Variants in TLCD3B observed in about 807,000 individuals in gnomAD.
TLCD3B encodes the protein ceramide synthase.
Under a neutral mutation model 23.0 loss-of-function variants are expected in TLCD3B, and 9 were observed. The observed-to-expected ratio is 0.39, with a 90% CI of 0.24 to 0.68. The LOEUF (loss-of-function observed/expected upper bound fraction) is 0.68. Ranked by LOEUF, TLCD3B falls within the 30% of genes least tolerant of loss-of-function variation. TLCD3B has a pLI of 0.44. For missense variants in TLCD3B, 307 were observed against 371.8 expected, an observed-to-expected ratio of 0.83 and a Z score of 1.43; for synonymous variants, 161 against 161.0, an observed-to-expected ratio of 1.00 and a Z score of 0.00.
intron 2 of TLCD3B, chr16:30,027,551 C>T (rs1722245802): frequency 2.2e-6 from 1 of 456,060 alleles, no homozygotes; most frequent in South Asian, 1.5e-5. Context: ...CAGCGCTGTT[C>T]GCCCTGCCCC....
Position 30,024,867 on chromosome 16 carries a change from T to G in TLCD3B, c.*316A>C. 6.8e-6 allele frequency: 2 copies of G among 295,490 alleles called. No homozygotes were observed. The highest frequency in any genetic ancestry group is 6.4e-5 in the East Asian group (1 of 15,644). The allele number at this position is 295,490 out of a possible 1,614,324, so 18.3% of individuals were successfully genotyped here. A position where few individuals can be genotyped will look rare whatever the true frequency, so the allele number is the denominator to read the frequency against. Reference sequence around the variant, plus strand: ...GCCTTGGCAGAGGCGTCTCCCCACATTCTGACTCCTGGTCCCCTTGAAACC... The same window carrying G: ...GCCTTGGCAGAGGCGTCTCCCCACAGTCTGACTCCTGGTCCCCTTGAAACC... On this transcript the variant is annotated 3_prime_UTR_variant, in exon 5 of 5. Transcript: ENST00000380495.
At chr16:30,046,837 G>A (rs1347130121) in intron 1 of TLCD3B, among the ~76,000 whole-genome samples, 3 of 152,238 alleles carry the variant, frequency 2.0e-5, no homozygotes, top group Non-Finnish European at 4.4e-5. Context: ...ACTCCTCTGA[G>A]CCTTGGGCTC....
intron 2 of TLCD3B, among the ~76,000 whole-genome samples, chr16:30,043,542 CA>C (rs1469031802): frequency 1.3e-5 from 2 of 152,056 alleles, no homozygotes; most frequent in African/African-American, 4.8e-5. Flanking sequence ...TACTCTCAGT[CA>C]CTGTTCGGAT....
intron 3 of TLCD3B, among the ~76,000 whole-genome samples, chr16:30,039,239 TTAGCCTCCCGAG>T (rs1464910652): frequency 6.6e-6 from 1 of 151,334 alleles, no homozygotes; most frequent in Non-Finnish European, 1.5e-5. Flanking sequence ...TTCTCCTGCC[TTAGCCTCCCGAG>T]TAGCTGGGAT....
chr16:30,025,746 G>A lies in TLCD3B; in HGVS notation c.520C>T (p.Leu174Phe). The A allele has an allele frequency of 1.2e-6, 2 of 1,614,162 alleles. No homozygotes were observed. The highest frequency in any genetic ancestry group is 1.7e-6 in the Non-Finnish European group (2 of 1,180,040). ...CTCACCTGGATGAGGATCTTGCCAAGGCAGACGAAGGGCGTGCTGACCTCT... is the reference window on the plus strand; with the variant it reads ...CTCACCTGGATGAGGATCTTGCCAAAGCAGACGAAGGGCGTGCTGACCTCT... ...MAEVSTPFVC[L>F]GKILIQYKQQ... The change falls in exon 4 of 5, where the codon CTT becomes TTT. Residue 174 changes from leucine to phenylalanine, a missense_variant. Transcript: ENST00000380495. This position sits in a 1 kb window ranked among gnomAD's most constrained non-coding sequence, Gnocchi z 4.1.
chr16:30,042,884 G>A (rs1485564954), intron 2 of TLCD3B, among the ~76,000 whole-genome samples: 1 of 152,022 alleles, frequency 6.6e-6, no homozygotes, highest in Non-Finnish European at 1.5e-5. Context: ...GGATCATGAG[G>A]TCAGGAGTTT....
intron 3 of TLCD3B, chr16:30,036,303 G>C (rs1324379781): frequency 7.8e-7 from 1 of 1,289,032 alleles, no homozygotes; most frequent in Non-Finnish European, 1.0e-6. Context: ...CAAAGCGATT[G>C]TTGTTCCATT....
upstream of TLCD3B, among the ~76,000 whole-genome samples, chr16:30,031,694 C>T (rs925117743): frequency 3.3e-5 from 5 of 152,240 alleles, no homozygotes; most frequent in African/African-American, 1.2e-4. Flanking sequence ...GGCCCCCTCA[C>T]CCGATGGCGG....
Position 30,024,480 on chromosome 16 carries a change from T to TC in TLCD3B, c.*702dup. ...GCGGTCTGTAAAGCACCTCCCAGGG[T>TC]CCCCCGACCCCAGATTGGAGGAAGC... On this transcript the variant is annotated 3_prime_UTR_variant, in exon 5 of 5. Coordinates refer to ENST00000380495, the MANE Select transcript of TLCD3B (RefSeq NM_031478.6). The TC allele has an allele frequency of 1.8e-6, 1 of 563,352 alleles. No individual in the cohort carries two copies. 34.9% of individuals were successfully genotyped at this position (563,352 alleles called of 1,614,324 possible).
intron 2 of TLCD3B, among the ~76,000 whole-genome samples, chr16:30,043,785 G>C (rs1409296352): frequency 6.6e-6 from 1 of 151,984 alleles, no homozygotes; most frequent in Non-Finnish European, 1.5e-5. Context: ...CCAGGCTCAA[G>C]TGATCCTCCT....
At chr16:30,036,770 A>G (rs2071482133) in intron 3 of TLCD3B, among the ~76,000 whole-genome samples, 1 of 152,180 alleles carries the variant, frequency 6.6e-6, no homozygotes, top group Admixed American at 6.6e-5. Context: ...GCTCAAAGAA[A>G]GAAAAGGAGA....
At chr16:30,048,162 C>T (rs1019491470) in intron 1 of TLCD3B, among the ~76,000 whole-genome samples, 43 of 149,742 alleles carry the variant, frequency 2.9e-4, no homozygotes, top group African/African-American at 1.1e-3. Context: ...AAAAAAAAAC[C>T]ACCACCAACA....
At position 30,025,509 on chromosome 16, in the gene TLCD3B, TCGGCCCCCCTTGG is replaced by T. The variant is rs774273298; in HGVS notation, c.541-55_541-43del. On this transcript the variant is annotated intron_variant, in intron 4 of 4. Coordinates refer to ENST00000380495, the MANE Select transcript of TLCD3B (RefSeq NM_031478.6). The surrounding 1 kb of genome is among the most constrained non-coding windows in gnomAD (Gnocchi z 4.1). ...ACAGTGGCCACGGCAGCAGAAGGGCTCGGCCCCCCTTGGCCCTCTCCCTGCCTCCCTGCGACCC... is the reference window on the plus strand; with the variant it reads ...ACAGTGGCCACGGCAGCAGAAGGGCTCCCTCTCCCTGCCTCCCTGCGACCC... 3 of 1,605,402 alleles carry T rather than the reference TCGGCCCCCCTTGG, an allele frequency of 1.9e-6. No homozygotes were observed. The highest frequency in any genetic ancestry group is 1.7e-6 in the Non-Finnish European group (2 of 1,176,306).
In TLCD3B at chr16:30,030,823, CAG is replaced by C. The variant is rs2071335963; in HGVS notation, c.-298_-297del. 9.1e-7 allele frequency: 1 copy of C among 1,099,050 alleles called. No individual in the cohort carries two copies. Among genetic ancestry groups the C allele is most frequent in the Admixed American group, 5.9e-5 (1 of 17,090 alleles). The allele number at this position is 1,099,050 out of a possible 1,614,324, so 68.1% of individuals were successfully genotyped here. On this transcript the variant is annotated 5_prime_UTR_variant, in exon 1 of 5. Transcript: ENST00000380495. ...AAAGAGGGGATGGCTTGGTGAGGGA[CAG>C]AGAGGAAGAGGGGACAGGAGGAGGA...
At chr16:30,030,116 T>A in intron 1 of TLCD3B, 1 of 1,434,274 alleles carries the variant, frequency 7.0e-7, no homozygotes. Flanking sequence ...CTTATAGGAA[T>A]GTCTTCGCCG....
Position 30,030,591 on chromosome 16 carries a change from GGA to G in TLCD3B, c.-66_-65del, listed in dbSNP as rs1383988597. The G allele has an allele frequency of 2.0e-6, 3 of 1,483,842 alleles. No homozygotes were observed. Among genetic ancestry groups the G allele is most frequent in the Non-Finnish European group, 1.8e-6 (2 of 1,120,792 alleles). The allele number at this position is 1,483,842 out of a possible 1,614,324, so 91.9% of individuals were successfully genotyped here. ...GAAGGGGCAGGGAGGCCGAGTGGAAGGAGTTAGGGGTGGAGAAGGGACGCCAA... is the reference window on the plus strand; with the variant it reads ...GAAGGGGCAGGGAGGCCGAGTGGAAGGTTAGGGGTGGAGAAGGGACGCCAA... On this transcript the variant is annotated 5_prime_UTR_variant, in exon 1 of 5. Transcript: ENST00000380495.
intron 1 of TLCD3B, chr16:30,030,152 G>A: frequency 6.7e-7 from 1 of 1,489,638 alleles, no homozygotes; most frequent in Non-Finnish European, 9.1e-7. Context: ...TTGGAGGGTG[G>A]GAGGGTGTAC....
upstream of TLCD3B, chr16:30,036,015 G>A (rs1389217826): frequency 1.3e-5 from 10 of 764,542 alleles, no homozygotes; most frequent in South Asian, 1.8e-5. Flanking sequence ...TGCCCGCTTC[G>A]GCCTCCCAAA....
intron 3 of TLCD3B, among the ~76,000 whole-genome samples, chr16:30,039,788 CT>C (rs2071543916): frequency 6.6e-6 from 1 of 151,686 alleles, no homozygotes; most frequent in Non-Finnish European, 1.5e-5. Context: ...GTGTTTGCTT[CT>C]TTAGCTACTT....
Sources: allele counts gnomAD v4.1 joint callset (sites outside exome capture counted in the v4.1 genomes callset), GRCh38; gene constraint gnomAD v4.1.1; non-coding constraint Gnocchi (gnomAD v3.1); transcripts MANE v1.5; gene names NCBI Gene and HGNC (gene_info 2026-07-23, HGNC 2026-07-21).